The following ANO4 variants were observed in gnomAD, a reference collection of about 807,000 sequenced individuals.
ANO4 encodes the protein anoctamin 4, also known as anoctamin-4.
Under a neutral mutation model 141.9 loss-of-function variants are expected in ANO4, and 69 were observed. The observed-to-expected ratio is 0.49, with a 90% CI of 0.40 to 0.59. The LOEUF (loss-of-function observed/expected upper bound fraction) is 0.59, where lower values mean the gene tolerates loss of function less well. Among genes scored for constraint, ANO4 ranks in the 20% least tolerant of loss-of-function variants. ANO4 has a pLI of 0.00. For synonymous variants in ANO4, 350 were observed against 394.3 expected (o/e 0.89, Z 1.33); for missense variants, 894 against 1,162.2 (o/e 0.77, Z 3.36).
At chr12:100,911,035 G>T (rs2041077897) in intron 2 of ANO4, among the ~76,000 whole-genome samples, 1 of 152,088 alleles carries the variant, frequency 6.6e-6, no homozygotes, top group Non-Finnish European at 1.5e-5. Flanking sequence ...CAGCTAGAAT[G>T]ATTAGTACTG....
At chr12:100,774,741 T>C (rs988913520) in intron 3 of ANO4, among the ~76,000 whole-genome samples, 1 of 152,246 alleles carries the variant, frequency 6.6e-6, no homozygotes, top group African/African-American at 2.4e-5. Context: ...ACTGTCCACG[T>C]GTTTTCTACT....
At chr12:100,780,034 T>A (rs1485241532) in intron 3 of ANO4, among the ~76,000 whole-genome samples, 1 of 151,748 alleles carries the variant, frequency 6.6e-6, no homozygotes, top group Non-Finnish European at 1.5e-5. Context: ...TTTCAATTTG[T>A]TTTTTTTAAG....
At chr12:101,076,489 G>A (rs1480666401) in intron 14 of ANO4, among the ~76,000 whole-genome samples, 1 of 152,156 alleles carries the variant, frequency 6.6e-6, no homozygotes, top group Non-Finnish European at 1.5e-5. Flanking sequence ...GGAATTAATG[G>A]TTAGAATCTC....
At position 101,083,737 on chromosome 12, in the gene ANO4, T is replaced by A. The variant is rs1478728942; in HGVS notation, c.1455T>A (p.Ile485=). Residue 485 remains isoleucine (I), a synonymous_variant, in exon 16 of 28, where the codon ATT becomes ATA. Transcript: ENST00000392977. ...KYSKKERMNP[I]SGKPEPYQAF... ...CCAAGAAAGAGCGGATGAATCCAAT[T>A]TCTGGAAAGCCAGAACCTTATCAAG... 1.9e-6 allele frequency: 3 copies of A among 1,608,320 alleles called. No homozygotes were observed. Among genetic ancestry groups the A allele is most frequent in the African/African-American group, 1.3e-5 (1 of 74,696 alleles).
chr12:100,819,036 TA>T (rs2035885912), intron 1 of ANO4, among the ~76,000 whole-genome samples: 1 of 51,180 alleles, frequency 2.0e-5, no homozygotes, highest in Admixed American at 2.0e-4. Context: ...TGTATGTGTG[TA>T]TATATATATG....
intron 3 of ANO4, among the ~76,000 whole-genome samples, chr12:100,747,956 T>A (rs968497139): frequency 2.0e-5 from 3 of 151,950 alleles, no homozygotes; most frequent in Admixed American, 2.0e-4. Flanking sequence ...AGGAAAGGAG[T>A]TGAGAAATGA....
At chr12:100,750,062 T>A (rs1376806793) in intron 3 of ANO4, among the ~76,000 whole-genome samples, 6 of 152,202 alleles carry the variant, frequency 3.9e-5, no homozygotes, top group Non-Finnish European at 5.9e-5. Flanking sequence ...GACTTCTTGT[T>A]AAACTGCAGA....
intron 3 of ANO4, among the ~76,000 whole-genome samples, chr12:100,742,116 T>G (rs75644867): frequency 0.036 from 5,426 of 152,260 alleles, 220 homozygotes; most frequent in Admixed American, 0.12. Flanking sequence ...AAGCAACTGC[T>G]TATTATTATT....
intron 2 of ANO4, among the ~76,000 whole-genome samples, chr12:100,914,498 A>T (rs2041247813): frequency 6.6e-6 from 1 of 152,228 alleles, no homozygotes; most frequent in African/African-American, 2.4e-5. Context: ...CATAAGATTT[A>T]TGGTTTTACA....
chr12:101,043,741 G>A, intron 13 of ANO4, 106 bp downstream of exon 13: 1 of 791,178 alleles, frequency 1.3e-6, no homozygotes, highest in Non-Finnish European at 2.1e-6. Context: ...ATTTTCAAGT[G>A]AATGTTGTAG....
intron 25 of ANO4, among the ~76,000 whole-genome samples, chr12:101,119,196 C>T (rs1262087563): frequency 6.6e-6 from 1 of 151,966 alleles, no homozygotes; most frequent in Admixed American, 6.6e-5. Flanking sequence ...CAGTGGCTCA[C>T]CCTGTAATCC....
chr12:100,783,985 A>G (rs1414672012), intron 3 of ANO4, among the ~76,000 whole-genome samples: 1 of 27,670 alleles, frequency 3.6e-5, no homozygotes, highest in African/African-American at 1.6e-4. Context: ...GTAGTGTGGA[A>G]GAACACACTC....
intron 8 of ANO4, 129 bp downstream of exon 8, chr12:100,987,799 G>A: frequency 7.6e-7 from 1 of 1,314,108 alleles, no homozygotes; most frequent in Non-Finnish European, 1.0e-6. Context: ...TAAAAGTCTT[G>A]TGAGTGTTCA....
At chr12:100,769,467 C>A (rs1482934710) in intron 3 of ANO4, among the ~76,000 whole-genome samples, 1 of 152,170 alleles carries the variant, frequency 6.6e-6, no homozygotes, top group Non-Finnish European at 1.5e-5. Flanking sequence ...CTTGCCTCTA[C>A]CCTTACCAGT....
intron 14 of ANO4, among the ~76,000 whole-genome samples, chr12:101,058,769 C>T (rs925608513): frequency 3.9e-5 from 6 of 152,234 alleles, no homozygotes; most frequent in Middle Eastern, 3.4e-3. Flanking sequence ...GGGGCTGAGA[C>T]GATGGGGTTT....
At chr12:100,814,123 T>C (rs1201154916) in intron 1 of ANO4, among the ~76,000 whole-genome samples, 1 of 152,142 alleles carries the variant, frequency 6.6e-6, no homozygotes, top group African/African-American at 2.4e-5. Flanking sequence ...CTCTACCAAA[T>C]AGGAAGATCT....
intron 4 of ANO4, among the ~76,000 whole-genome samples, chr12:100,941,943 A>G (rs1037996552): frequency 2.1e-5 from 3 of 143,242 alleles, no homozygotes; most frequent in Non-Finnish European, 4.5e-5. Flanking sequence ...TATGTAATTG[A>G]ACACAATGAA....
At chr12:100,985,113 C>T (rs1189049090) in intron 7 of ANO4, among the ~76,000 whole-genome samples, 1 of 152,172 alleles carries the variant, frequency 6.6e-6, no homozygotes, top group Non-Finnish European at 1.5e-5. Context: ...CCAATGGCCT[C>T]TTTCTTGAAT....
At position 100,939,325 on chromosome 12, in the gene ANO4, T is replaced by A. The variant is rs1235877926; in HGVS notation, c.171T>A (p.Asp57Glu). 1 of 1,613,318 alleles carries A rather than the reference T, an allele frequency of 6.2e-7. No individual in the cohort carries two copies. Among genetic ancestry groups the A allele is most frequent in the Admixed American group, 1.7e-5 (1 of 59,990 alleles). The change falls in exon 4 of 28, where the codon GAT (aspartate) becomes GAA (glutamate). Residue 57 changes from aspartate to glutamate, a missense_variant. Coordinates refer to ENST00000392977, the MANE Select transcript of ANO4 (RefSeq NM_001286615.2). The part of the protein sequence containing the change: ...ILNAIQEMAK[D>E]VNILFDELEA... ...TTACTTTGGTTCTAGTGGCCAAGGA[T>A]GTCAATATTCTTTTTGATGAATTAG...
Sources: allele counts gnomAD v4.1 joint callset (sites outside exome capture counted in the v4.1 genomes callset), GRCh38; gene constraint gnomAD v4.1.1; transcripts MANE v1.5; gene names NCBI Gene and HGNC (gene_info 2026-07-23, HGNC 2026-07-21).